The following LRRC4C variants were observed in gnomAD, a reference collection of about 807,000 sequenced individuals.
LRRC4C encodes leucine rich repeat containing 4C, also known as leucine-rich repeat-containing protein 4C.
In LRRC4C, 5 loss-of-function variants were observed where a neutral mutation model predicts 33.6. That is an observed-to-expected ratio of 0.15 (90% CI 0.08 to 0.31). The LOEUF (loss-of-function observed/expected upper bound fraction) is 0.31, where lower values mean the gene tolerates loss of function less well. Ranked by LOEUF, LRRC4C falls within the 10% of genes least tolerant of loss-of-function variation. The pLI is 1.00. For synonymous variants in LRRC4C, 329 were observed against 302.0 expected (o/e 1.09, Z -0.93); for missense variants, 560 against 796.7 (o/e 0.70, Z 3.58).
At chr11:41,026,640 TTG>T (rs1856385507) in intron 1 of LRRC4C, among the ~76,000 whole-genome samples, 1 of 150,132 alleles carries the variant, frequency 6.7e-6, no homozygotes, top group Non-Finnish European at 1.5e-5. Flanking sequence ...GCAAATTGCA[TTG>T]TTTCTTTATT....
intron 4 of LRRC4C, among the ~76,000 whole-genome samples, chr11:40,296,637 T>C (rs79772802): frequency 3.3e-5 from 5 of 152,246 alleles, no homozygotes; most frequent in Admixed American, 2.6e-4. Flanking sequence ...CATTTGTCAC[T>C]GAATGACCTC....
chr11:40,418,896 C>T (rs986245347), intron 3 of LRRC4C, among the ~76,000 whole-genome samples: 1 of 152,168 alleles, frequency 6.6e-6, no homozygotes, highest in African/African-American at 2.4e-5. Flanking sequence ...ACCACATGTT[C>T]TCACTTAGTA....
At chr11:41,423,503 T>C (rs933822168) in intron 1 of LRRC4C, among the ~76,000 whole-genome samples, 3 of 152,062 alleles carry the variant, frequency 2.0e-5, no homozygotes, top group Non-Finnish European at 4.4e-5. Flanking sequence ...TTGTGGATGA[T>C]GGGGTGTCAT....
chr11:41,190,177 A>G (rs1184044505), intron 1 of LRRC4C, among the ~76,000 whole-genome samples: 1 of 152,156 alleles, frequency 6.6e-6, no homozygotes, highest in Non-Finnish European at 1.5e-5. Context: ...GTAGAAGTAG[A>G]GAGGTCTACT....
At chr11:40,725,107 TCTC>T (rs1304242830) in intron 2 of LRRC4C, among the ~76,000 whole-genome samples, 2 of 152,178 alleles carry the variant, frequency 1.3e-5, no homozygotes, top group Non-Finnish European at 2.9e-5. Flanking sequence ...TAACCATTTA[TCTC>T]CTCAAGTGAT....
chr11:40,307,705 G>A (rs759081054), intron 4 of LRRC4C, among the ~76,000 whole-genome samples: 71 of 152,010 alleles, frequency 4.7e-4, no homozygotes, highest in Admixed American at 1.6e-3. Context: ...ACAGTTGCTG[G>A]CATATATTAG....
At chr11:40,267,264 C>A (rs1942344039) in intron 4 of LRRC4C, among the ~76,000 whole-genome samples, 1 of 152,140 alleles carries the variant, frequency 6.6e-6, no homozygotes, top group African/African-American at 2.4e-5. Flanking sequence ...TAAGTTGTAA[C>A]TGAATTACTG....
Position 41,341,380 on chromosome 11 carries a change from C to A in LRRC4C, c.-496+118051G>T, listed in dbSNP as rs567167641. The stretch of plus-strand genomic sequence containing the variant: ...TCATCATTCTCTGGGCGAGGTTCTG[C>A]CGGTTGCATATTGTCTCAGCACCTG... On this transcript the variant is annotated intron_variant, in intron 1 of 6. Transcript: ENST00000528697. Among the ~76,000 whole-genome samples, 200 of 152,272 alleles carry A rather than the reference C, an allele frequency of 1.3e-3. 1 individual carries two copies. The Middle Eastern group carries it at 0.02, about 16-fold the overall frequency.
intron 3 of LRRC4C, among the ~76,000 whole-genome samples, chr11:40,546,118 C>A (rs1044038190): frequency 6.8e-6 from 1 of 147,086 alleles, no homozygotes; most frequent in Admixed American, 6.9e-5. Flanking sequence ...TCCTTCCTTC[C>A]TTCCTTCCTT....
At chr11:40,890,449 AG>A in intron 2 of LRRC4C, among the ~76,000 whole-genome samples, 1 of 152,286 alleles carries the variant, frequency 6.6e-6, no homozygotes, top group African/African-American at 2.4e-5. Flanking sequence ...ATGAGGGCAA[AG>A]GCCTCATGAC....
chr11:40,617,129 G>C (rs768542917), intron 3 of LRRC4C, among the ~76,000 whole-genome samples: 5 of 151,590 alleles, frequency 3.3e-5, no homozygotes, highest in Non-Finnish European at 7.4e-5. Context: ...CTGCAGAAGA[G>C]TTTATCCATT....
chr11:41,021,156 TGAGAGA>T (rs71060991), intron 1 of LRRC4C, among the ~76,000 whole-genome samples: 3,954 of 126,774 alleles, frequency 0.031, 86 homozygotes, highest in African/African-American at 0.042. Context: ...ATCGTGCATC[TGAGAGA>T]GAGAGAGAGA....
intron 5 of LRRC4C, among the ~76,000 whole-genome samples, chr11:40,194,702 C>T (rs1055417125): frequency 5.3e-5 from 8 of 152,038 alleles, no homozygotes; most frequent in Non-Finnish European, 4.4e-5. Context: ...CAAACCACCA[C>T]GGCACATGTA....
intron 2 of LRRC4C, among the ~76,000 whole-genome samples, chr11:40,906,168 C>A (rs1316177011): frequency 6.6e-6 from 1 of 152,170 alleles, no homozygotes; most frequent in African/African-American, 2.4e-5. Context: ...GTCTTTGTAA[C>A]TGAGGTAGAT....
At chr11:40,467,034 A>T (rs559104226) in intron 3 of LRRC4C, among the ~76,000 whole-genome samples, 1 of 152,298 alleles carries the variant, frequency 6.6e-6, no homozygotes, top group Admixed American at 6.5e-5. Context: ...AAAGGAAAAG[A>T]CGCAGCCTCA....
At chr11:41,181,020 AAAAAG>A (rs1945426169) in intron 1 of LRRC4C, among the ~76,000 whole-genome samples, 1 of 152,166 alleles carries the variant, frequency 6.6e-6, no homozygotes, top group South Asian at 2.1e-4. Context: ...GAGAAGAAAA[AAAAAG>A]AAAAGTTTTA....
chr11:40,236,360 T>TA (rs1865557389), intron 5 of LRRC4C, among the ~76,000 whole-genome samples: 1 of 152,206 alleles, frequency 6.6e-6, no homozygotes, highest in South Asian at 2.1e-4. Context: ...GTAATTATTA[T>TA]TTTCCTCATA....
chr11:40,651,109 C>G (rs940527158), intron 2 of LRRC4C, among the ~76,000 whole-genome samples: 2 of 152,178 alleles, frequency 1.3e-5, no homozygotes, highest in African/African-American at 4.8e-5. Context: ...CTTCCTAACA[C>G]TTTGGAAACT....
In LRRC4C at chr11:40,172,501, A is replaced by T. The variant is rs1039413695; in HGVS notation, c.-95-31648T>A. Among the ~76,000 whole-genome samples, 9 of 152,060 alleles carry T rather than the reference A, an allele frequency of 5.9e-5. No homozygotes were observed. In the South Asian group the frequency reaches 8.3e-4, roughly 14 times the overall value. On this transcript the variant is annotated intron_variant, in intron 5 of 6. Coordinates refer to ENST00000528697, the MANE Select transcript of LRRC4C (RefSeq NM_001258419.2). ...TAAGTGGATTTATGAAATAAATCCA[A>T]ATTCTTTTTTTTTTAAGATTATAAT...
Sources: allele counts gnomAD v4.1 joint callset (sites outside exome capture counted in the v4.1 genomes callset), GRCh38; gene constraint gnomAD v4.1.1; transcripts MANE v1.5; gene names NCBI Gene and HGNC (gene_info 2026-07-23, HGNC 2026-07-21).